The following TMEM117 variants were observed in gnomAD, a reference collection of about 807,000 sequenced individuals.
The protein encoded by TMEM117 is transmembrane protein 117.
A neutral mutation model predicts 52.4 loss-of-function variants in TMEM117; 27 were observed. That is an observed-to-expected ratio of 0.51 (90% confidence interval 0.38 to 0.71). The LOEUF is 0.71. Among genes scored for constraint, TMEM117 ranks in the 30% least tolerant of loss-of-function variants. The pLI is 0.00. For synonymous variants in TMEM117, 215 were observed against 206.3 expected (o/e 1.04, Z -0.36); for missense variants, 556 against 630.5 (o/e 0.88, Z 1.26).
chr12:43,932,926 T>C (rs943000611), intron 2 of TMEM117, among the ~76,000 whole-genome samples: 1 of 152,134 alleles, frequency 6.6e-6, no homozygotes, highest in African/African-American at 2.4e-5. Context: ...TCTGAATGCA[T>C]AGGTACAAAT....
chr12:44,005,604 G>T (rs905468123), intron 3 of TMEM117, among the ~76,000 whole-genome samples: 40 of 152,204 alleles, frequency 2.6e-4, no homozygotes, highest in African/African-American at 9.2e-4. Flanking sequence ...TCACAGCGCT[G>T]TCCTTGCCAT....
upstream of TMEM117, among the ~76,000 whole-genome samples, chr12:43,831,349 TC>T (rs977871483): frequency 1.1e-4 from 16 of 152,330 alleles, no homozygotes; most frequent in African/African-American, 3.8e-4. Context: ...ACCTATACTT[TC>T]CCCTGGCTTT....
At chr12:44,052,093 A>G (rs1270876075) in intron 3 of TMEM117, among the ~76,000 whole-genome samples, 1 of 152,236 alleles carries the variant, frequency 6.6e-6, no homozygotes, top group East Asian at 1.9e-4. Flanking sequence ...TATCATGTAG[A>G]TTAAATATGT....
chr12:44,084,014 T>C (rs1362543917), intron 3 of TMEM117, among the ~76,000 whole-genome samples: 1 of 152,182 alleles, frequency 6.6e-6, no homozygotes, highest in East Asian at 1.9e-4. Context: ...GTTATGTGAA[T>C]TCTCTAAAGC....
chr12:44,151,801 C>A (rs1477000576), intron 4 of TMEM117, among the ~76,000 whole-genome samples: 1 of 140,988 alleles, frequency 7.1e-6, no homozygotes, highest in Non-Finnish European at 1.5e-5. Flanking sequence ...CTCTTGTGGG[C>A]CGAGAACTAT....
chr12:44,300,640 AT>A (rs200946090), intron 6 of TMEM117, among the ~76,000 whole-genome samples: 44 of 151,174 alleles, frequency 2.9e-4, no homozygotes, highest in African/African-American at 9.3e-4. Context: ...TTATTTATTG[AT>A]TTTTTTTAAA....
At chr12:43,899,801 A>G (rs1252528775) in intron 2 of TMEM117, among the ~76,000 whole-genome samples, 1 of 152,198 alleles carries the variant, frequency 6.6e-6, no homozygotes, top group Non-Finnish European at 1.5e-5. Context: ...AGTCCTAAGT[A>G]GTGTATTAGA....
At chr12:43,959,664 T>C (rs879691842) in intron 3 of TMEM117, among the ~76,000 whole-genome samples, 1 of 152,168 alleles carries the variant, frequency 6.6e-6, no homozygotes, top group Non-Finnish European at 1.5e-5. Context: ...TTCCATTGTT[T>C]ACACCGGTAG....
In TMEM117 at chr12:44,101,686, T is replaced by G. The variant is rs373332424; in HGVS notation, c.411-41839T>G. On this transcript the variant is annotated intron_variant, in intron 3 of 7. Transcript: ENST00000266534. ...CAAATGAGAAAATTCTTGCATGGCATGCAAACCCCCTCAGAGACCGGCTGT... is the reference window on the plus strand; with the variant it reads ...CAAATGAGAAAATTCTTGCATGGCAGGCAAACCCCCTCAGAGACCGGCTGT... Among the ~76,000 whole-genome samples, 61 of 152,136 alleles carry G rather than the reference T, an allele frequency of 4.0e-4. No individual in the cohort carries two copies. The South Asian group carries it at 0.012, about 30-fold the overall frequency.
chr12:43,934,415 G>A (rs1208510644), intron 2 of TMEM117, among the ~76,000 whole-genome samples: 2 of 152,016 alleles, frequency 1.3e-5, no homozygotes, highest in African/African-American at 4.8e-5. Context: ...TCTCTCAAAT[G>A]GAAGGTTTAT....
At chr12:44,309,001 A>T (rs908726022) in intron 6 of TMEM117, among the ~76,000 whole-genome samples, 4 of 152,202 alleles carry the variant, frequency 2.6e-5, no homozygotes, top group African/African-American at 9.6e-5. Context: ...TACAATGATA[A>T]AGCTAAGGAA....
chr12:44,387,268 A>G lies in TMEM117; in HGVS notation c.899-758A>G, dbSNP rs557170606. Among the ~76,000 whole-genome samples the G allele has an allele frequency of 9.3e-4, 141 of 151,984 alleles. 2 individuals carry two copies. The South Asian group carries it at 0.027, about 29-fold the overall frequency. ...TAGTATACCTGAAAAGTTTTTCCACATTCTTTCCATTTGCAAATGTAAAAA... is the reference window on the plus strand; with the variant it reads ...TAGTATACCTGAAAAGTTTTTCCACGTTCTTTCCATTTGCAAATGTAAAAA... On this transcript the variant is annotated intron_variant, in intron 7 of 7. Coordinates refer to ENST00000266534, the MANE Select transcript of TMEM117 (RefSeq NM_032256.3).
At chr12:44,271,227 A>G (rs1486857040) in intron 5 of TMEM117, among the ~76,000 whole-genome samples, 1 of 152,068 alleles carries the variant, frequency 6.6e-6, no homozygotes, top group African/African-American at 2.4e-5. Flanking sequence ...AAAAGTGAGT[A>G]TATGGGTATA....
chr12:44,133,945 C>T (rs1241496577), intron 3 of TMEM117, among the ~76,000 whole-genome samples: 2 of 152,124 alleles, frequency 1.3e-5, no homozygotes, highest in Admixed American at 6.5e-5. Context: ...CTTTTTCTGA[C>T]ACTTTGTAAG....
At chr12:44,253,078 T>G (rs2138516923) in intron 5 of TMEM117, among the ~76,000 whole-genome samples, 1 of 152,316 alleles carries the variant, frequency 6.6e-6, no homozygotes, top group African/African-American at 2.4e-5. Flanking sequence ...ACCAAGTGAA[T>G]TTTTGGACTG....
At chr12:44,183,772 G>T (rs1490165924) in intron 4 of TMEM117, among the ~76,000 whole-genome samples, 1 of 152,072 alleles carries the variant, frequency 6.6e-6, no homozygotes, top group Admixed American at 6.6e-5. Flanking sequence ...GTTCGGCCTG[G>T]GTGTATCACA....
At chr12:43,944,779 T>A (rs1945102120) in intron 3 of TMEM117, among the ~76,000 whole-genome samples, 1 of 152,024 alleles carries the variant, frequency 6.6e-6, no homozygotes, top group South Asian at 2.1e-4. Context: ...CTCTTGACAG[T>A]CCTGAGAGAG....
chr12:44,060,735 T>A (rs1054387289), intron 3 of TMEM117, among the ~76,000 whole-genome samples: 2 of 152,166 alleles, frequency 1.3e-5, no homozygotes, highest in Non-Finnish European at 2.9e-5. Flanking sequence ...GTTAGAGCTG[T>A]ATATGTTGAA....
intron 3 of TMEM117, among the ~76,000 whole-genome samples, chr12:43,998,280 G>A (rs752388628): frequency 1.3e-5 from 2 of 152,196 alleles, no homozygotes; most frequent in African/African-American, 2.4e-5. Flanking sequence ...TGGAAATGTT[G>A]TCAGGGCTCC....
Sources: gnomAD v4.1 joint callset for allele counts (sites outside exome capture counted in the v4.1 genomes callset) on GRCh38, gnomAD v4.1.1 for gene constraint, MANE v1.5 for transcripts, NCBI Gene and HGNC (gene_info 2026-07-23, HGNC 2026-07-21) for gene names.